CPED1: variants seen among roughly 807,000 people sequenced by gnomAD.
The protein encoded by CPED1 is cadherin-like and PC-esterase domain-containing protein 1.
CPED1 carries 114 observed loss-of-function variants against 128.2 expected under a neutral mutation model. The observed-to-expected ratio is 0.89, with a 90% CI of 0.76 to 1.04. CPED1 has a LOEUF of 1.04. Among genes scored for constraint, CPED1 ranks in the 50% least tolerant of loss-of-function variants. The pLI is 0.00. For missense variants in CPED1, 1,211 were observed against 1,207.1 expected, an observed-to-expected ratio of 1.00 and a Z score of -0.05; for synonymous variants, 462 against 426.7, an observed-to-expected ratio of 1.08 and a Z score of -1.02.
chr7:121,014,256 A>G (rs999533466), intron 2 of CPED1, among the ~76,000 whole-genome samples: 8 of 152,206 alleles, frequency 5.3e-5, no homozygotes, highest in African/African-American at 1.9e-4. Flanking sequence ...GTTCCTTAAT[A>G]AAGATGTAGA....
At position 121,081,623 on chromosome 7, in the gene CPED1, A is replaced by G. The variant is rs866526376; in HGVS notation, c.617-16076A>G. 3.9e-5 allele frequency among the ~76,000 whole-genome samples: 6 copies of G among 152,268 alleles called. 1 individual carries two copies. Among genetic ancestry groups the G allele is most frequent in the Middle Eastern group, 6.8e-3 (2 of 294 alleles). ...AGTGTTGATACTCATTTCACAAGCA[A>G]ATGTGTTGCATTTGAGAAGGCCAAC... is the stretch of plus-strand genomic sequence containing the variant. On this transcript the variant is annotated intron_variant, in intron 5 of 22. Transcript: ENST00000310396.
chr7:121,209,818 C>A (rs759351891), intron 16 of CPED1, among the ~76,000 whole-genome samples: 1 of 151,952 alleles, frequency 6.6e-6, no homozygotes, highest in Non-Finnish European at 1.5e-5. Context: ...GAAGAGACAA[C>A]TCACAGAATG....
rs6150319 is a variant in CPED1 at position 121,172,661 on chromosome 7, CATAGATAGATAG to C, written c.2055+30551_2055+30562del. Among the ~76,000 whole-genome samples the C allele has an allele frequency of 6.2e-3, 903 of 145,310 alleles. 2 individuals are homozygous for C. The highest frequency in any genetic ancestry group is 8.1e-3 in the Non-Finnish European group (537 of 66,486). On this transcript the variant is annotated intron_variant, in intron 16 of 22. Transcript: ENST00000310396. ...GGGTGGGTGGTTGGATGGATGGATA[CATAGATAGATAG>C]ATAGATAGATAGATAGATAGATAGA... is the stretch of plus-strand genomic sequence containing the variant.
chr7:121,067,425 C>G (rs548252424), intron 5 of CPED1, among the ~76,000 whole-genome samples: 11 of 152,224 alleles, frequency 7.2e-5, no homozygotes, highest in Admixed American at 5.2e-4. Context: ...CATTCATGTC[C>G]CTACAAAGGA....
At chr7:121,179,060 C>A (rs28476487) in intron 16 of CPED1, among the ~76,000 whole-genome samples, 1 of 152,028 alleles carries the variant, frequency 6.6e-6, no homozygotes, top group Admixed American at 6.6e-5. Context: ...AAAGCTGTAC[C>A]GTGTTTTGGA....
At chr7:121,005,754 T>C (rs1791995429) in intron 2 of CPED1, among the ~76,000 whole-genome samples, 1 of 152,204 alleles carries the variant, frequency 6.6e-6, no homozygotes, top group Non-Finnish European at 1.5e-5. Context: ...TGTTCTTTTG[T>C]CTGACAATTC....
At chr7:121,223,244 T>C in intron 16 of CPED1, among the ~76,000 whole-genome samples, 1 of 152,246 alleles carries the variant, frequency 6.6e-6, no homozygotes, top group East Asian at 1.9e-4. Flanking sequence ...GTTCTGTTTA[T>C]GTGATGGATT....
In CPED1 at chr7:121,081,541, C is replaced by G. The variant is rs1794295621; in HGVS notation, c.617-16158C>G. Among the ~76,000 whole-genome samples the G allele has an allele frequency of 1.3e-5, 2 of 152,106 alleles. 1 individual carries two copies. Among genetic ancestry groups the G allele is most frequent in the Admixed American group, 1.3e-4 (2 of 15,256 alleles). ...CTAATGGTGAAATATGGAACTTTCT[C>G]TTTTCTTCTGCGTCACTTTCATTAA... is the stretch of plus-strand genomic sequence containing the variant. On this transcript the variant is annotated intron_variant, in intron 5 of 22. Coordinates refer to ENST00000310396, the MANE Select transcript of CPED1 (RefSeq NM_024913.5).
intron 16 of CPED1, among the ~76,000 whole-genome samples, chr7:121,185,277 CAG>C (rs1435947882): frequency 6.6e-6 from 1 of 152,020 alleles, no homozygotes; most frequent in Non-Finnish European, 1.5e-5. Flanking sequence ...TATCTCTATA[CAG>C]AGATGGCAAA....
chr7:120,997,334 G>A (rs1585007456), intron 2 of CPED1, among the ~76,000 whole-genome samples: 1 of 152,232 alleles, frequency 6.6e-6, no homozygotes, highest in Admixed American at 6.5e-5. Flanking sequence ...AGAGAAAGAA[G>A]GTCACAGAAA....
intron 5 of CPED1, among the ~76,000 whole-genome samples, chr7:121,093,220 T>C (rs1369151493): frequency 2.0e-5 from 3 of 152,144 alleles, no homozygotes; most frequent in Admixed American, 2.0e-4. Context: ...GTAGGCATCA[T>C]GGTGAAGGAA....
chr7:121,153,095 A>T (rs925465176), intron 16 of CPED1, among the ~76,000 whole-genome samples: 1 of 152,174 alleles, frequency 6.6e-6, no homozygotes, highest in African/African-American at 2.4e-5. Flanking sequence ...TCCATTAAGG[A>T]TAAGGATGAG....
chr7:121,128,529 T>A, intron 11 of CPED1, 43 bp downstream of exon 11: 1 of 992,430 alleles, frequency 1.0e-6, no homozygotes, highest in Admixed American at 1.7e-5. Flanking sequence ...GTGACTGGGA[T>A]TAGAGTAGAT....
chr7:121,127,568 C>T (rs1316016964), intron 10 of CPED1, among the ~76,000 whole-genome samples: 3 of 146,108 alleles, frequency 2.1e-5, no homozygotes, highest in African/African-American at 2.5e-5. Flanking sequence ...CAGAGTCTCG[C>T]TCTGTCACCC....
chr7:121,061,611 A>T (rs1372912624), intron 4 of CPED1, among the ~76,000 whole-genome samples: 3 of 152,194 alleles, frequency 2.0e-5, no homozygotes, highest in Non-Finnish European at 4.4e-5. Context: ...CTGTGAACCC[A>T]AAACAGCTAT....
chr7:121,261,608 C>T (rs768623351), intron 18 of CPED1: 19 of 1,605,212 alleles, frequency 1.2e-5, no homozygotes, highest in Non-Finnish European at 1.4e-5. Context: ...GAAAACCTGA[C>T]AGCTTCTTTT....
At chr7:121,216,092 C>T (rs1035268239) in intron 16 of CPED1, among the ~76,000 whole-genome samples, 23 of 152,020 alleles carry the variant, frequency 1.5e-4, no homozygotes, top group Non-Finnish European at 3.1e-4. Flanking sequence ...TAAACTCTTA[C>T]CCTCTACAAC....
At chr7:121,231,848 A>T (rs1798147711) in intron 16 of CPED1, among the ~76,000 whole-genome samples, 1 of 152,146 alleles carries the variant, frequency 6.6e-6, no homozygotes. Context: ...AAAATTACAG[A>T]TGGAGCATCC....
At chr7:121,249,352 C>G (rs10239022) in intron 18 of CPED1, among the ~76,000 whole-genome samples, 5,938 of 151,970 alleles carry the variant, frequency 0.039, 378 homozygotes, top group African/African-American at 0.13. Flanking sequence ...TATGAAATGA[C>G]CATCCCCAAA....
Sources: gnomAD v4.1 joint callset for allele counts (sites outside exome capture counted in the v4.1 genomes callset) on GRCh38, gnomAD v4.1.1 for gene constraint, MANE v1.5 for transcripts, NCBI Gene and HGNC (gene_info 2026-07-23, HGNC 2026-07-21) for gene names.